FANCI: variants seen among roughly 807,000 people sequenced by gnomAD.
FANCI encodes FA complementation group I.
FANCI carries 156 observed loss-of-function variants against 176.1 expected under a neutral mutation model. The ratio of observed to expected loss-of-function variants is 0.89; its 90% CI spans 0.78 to 1.01. The LOEUF (loss-of-function observed/expected upper bound fraction) is 1.01, where lower values mean the gene tolerates loss of function less well. FANCI is among the 50% of genes least tolerant of loss of function. The probability of loss-of-function intolerance (pLI) is 0.00; values close to 1 mark genes in which losing one functional copy is unlikely to be tolerated. For synonymous variants in FANCI, 613 were observed against 541.7 expected (o/e 1.13, Z -1.83); for missense variants, 1,678 against 1,534.1 (o/e 1.09, Z -1.57).
At chr15:89,297,633 T>TG (rs2054352741) in intron 24 of FANCI, among the ~76,000 whole-genome samples, 1 of 151,956 alleles carries the variant, frequency 6.6e-6, no homozygotes, top group South Asian at 2.1e-4. Flanking sequence ...TGGCGGCAAT[T>TG]GCAGGCACTC....
rs542876546 is a variant in FANCI at position 89,298,173 on chromosome 15, C to T, written c.2637-1627C>T. ...GTCACCCAGCTTGATTTAATTGACA[C>T]TTATAAGAACACTCCACAGCACCTT... is the stretch of plus-strand genomic sequence containing the variant. On this transcript the variant is annotated intron_variant, in intron 24 of 37. Coordinates refer to ENST00000310775, the MANE Select transcript of FANCI (RefSeq NM_001113378.2). Among the ~76,000 whole-genome samples the T allele has an allele frequency of 2.6e-5, 4 of 152,106 alleles. No individual in the cohort carries two copies. In the East Asian group the frequency reaches 7.7e-4, roughly 29 times the overall value.
At chr15:89,250,825 A>G (rs775519972) in intron 2 of FANCI, among the ~76,000 whole-genome samples, 2 of 151,680 alleles carry the variant, frequency 1.3e-5, no homozygotes, top group Non-Finnish European at 2.9e-5. Flanking sequence ...TTAAAAATCC[A>G]TGGAATAATG....
At chr15:89,291,167 T>G (rs974278616) in intron 19 of FANCI, among the ~76,000 whole-genome samples, 3 of 152,204 alleles carry the variant, frequency 2.0e-5, no homozygotes, top group Non-Finnish European at 4.4e-5. Flanking sequence ...AAATACTGTT[T>G]GAAGTACTTT....
chr15:89,276,850 G>A lies in FANCI; in HGVS notation c.1252G>A (p.Ala418Thr). The A allele has an allele frequency of 6.2e-7, 1 of 1,614,194 alleles. No homozygotes were observed. The highest frequency in any genetic ancestry group is 8.5e-7 in the Non-Finnish European group (1 of 1,180,034). Reference protein sequence around the residue: ...PSLSRMPNQHACKLGANILLE... With the variant: ...PSLSRMPNQHTCKLGANILLE... ...TCTTTCTAGAATGCCAAACCAGCAT[G>A]CATGTAAGCTCGGAGCTAATATCCT... The change falls in exon 13 of 38, where the codon GCA becomes ACA. Residue 418 changes from alanine to threonine, a missense_variant. Ala to Thr is a moderately conservative substitution (Grantham distance 58). Transcript: ENST00000310775.
chr15:89,263,519 A>C, intron 7 of FANCI, 59 bp downstream of exon 7: 1 of 1,377,034 alleles, frequency 7.3e-7, no homozygotes, highest in East Asian at 2.3e-5. Context: ...TACTTGCTAG[A>C]AATTAAACTA....
chr15:89,276,969 T>C, intron 13 of FANCI, 78 bp downstream of exon 13: 3 of 1,480,010 alleles, frequency 2.0e-6, no homozygotes, highest in Non-Finnish European at 2.8e-6. Flanking sequence ...CCTGGGAGTT[T>C]GGTGGACAAG....
At chr15:89,285,003 T>C (rs760450442) in intron 17 of FANCI, 93 bp from the exon 18 acceptor site, 1 of 1,550,976 alleles carries the variant, frequency 6.4e-7, no homozygotes, top group South Asian at 1.1e-5. Context: ...TGGAGGAAGC[T>C]AAGTTTTTTC....
intron 27 of FANCI, among the ~76,000 whole-genome samples, chr15:89,302,169 C>A (rs537372082): frequency 6.6e-6 from 1 of 152,120 alleles, no homozygotes; most frequent in African/African-American, 2.4e-5. Flanking sequence ...TGAAGCCCTG[C>A]GGTATACTCC....
chr15:89,302,026 G>T (rs1429573037), intron 27 of FANCI, among the ~76,000 whole-genome samples: 1 of 152,224 alleles, frequency 6.6e-6, no homozygotes, highest in African/African-American at 2.4e-5. Flanking sequence ...ACACACAGAA[G>T]AATAAGAGAA....
At chr15:89,284,445 G>A (rs1222094570) in intron 17 of FANCI, among the ~76,000 whole-genome samples, 1 of 152,114 alleles carries the variant, frequency 6.6e-6, no homozygotes, top group African/African-American at 2.4e-5. Context: ...AGGAACACTA[G>A]ATATCATTTG....
At chr15:89,303,552 A>C (rs771400814) in intron 27 of FANCI, among the ~76,000 whole-genome samples, 2 of 152,130 alleles carry the variant, frequency 1.3e-5, no homozygotes, top group Admixed American at 1.3e-4. Context: ...GGGGCATGGG[A>C]AAGAAAAGAG....
chr15:89,308,098 T>C (rs2054797858), intron 34 of FANCI: 2 of 1,120,442 alleles, frequency 1.8e-6, no homozygotes, highest in African/African-American at 1.6e-5. Context: ...GCTTTGTAAG[T>C]GTCATTTGGT....
intron 24 of FANCI, among the ~76,000 whole-genome samples, chr15:89,297,209 G>A (rs2054327761): frequency 6.6e-6 from 1 of 151,768 alleles, no homozygotes; most frequent in Admixed American, 6.6e-5. Flanking sequence ...GGGCGGCGGG[G>A]CAGAGGCGCT....
chr15:89,305,765 T>C, intron 31 of FANCI, 67 bp downstream of exon 31: 3 of 1,493,176 alleles, frequency 2.0e-6, no homozygotes, highest in Non-Finnish European at 2.8e-6. Context: ...ATTGGGTCGG[T>C]GCATAAAAAT....
At chr15:89,309,235 G>A (rs994796497) in intron 34 of FANCI, among the ~76,000 whole-genome samples, 1 of 152,118 alleles carries the variant, frequency 6.6e-6, no homozygotes, top group Non-Finnish European at 1.5e-5. Context: ...GGTGCCATTC[G>A]TCAAACAAAT....
chr15:89,312,318 G>T (rs1418642892), intron 34 of FANCI, among the ~76,000 whole-genome samples: 3 of 152,114 alleles, frequency 2.0e-5, no homozygotes, highest in Non-Finnish European at 4.4e-5. Context: ...CCCCTTGGCT[G>T]ACCCACTGCA....
chr15:89,307,681 T>C lies in FANCI; in HGVS notation c.3651+9T>C. The C allele has an allele frequency of 6.2e-7, 1 of 1,614,154 alleles. No individual in the cohort carries two copies. Among genetic ancestry groups the C allele is most frequent in the Non-Finnish European group, 8.5e-7 (1 of 1,180,032 alleles). ...TCATTTCTTACGTACAGGTAAGAGATTCAGAGGCAGTACCCAATAGGTCTT... is the reference window on the plus strand; with the variant it reads ...TCATTTCTTACGTACAGGTAAGAGACTCAGAGGCAGTACCCAATAGGTCTT... On this transcript the variant is annotated intron_variant, in intron 34 of 37. Coordinates refer to ENST00000310775, the MANE Select transcript of FANCI (RefSeq NM_001113378.2).
At chr15:89,261,974 CT>C in intron 6 of FANCI, 96 bp downstream of exon 6, 1 of 1,097,990 alleles carries the variant, frequency 9.1e-7, no homozygotes, top group Non-Finnish European at 1.4e-6. Flanking sequence ...GTTTTAAGTC[CT>C]TCTTTTTTGT....
chr15:89,309,056 G>C (rs2054847887), intron 34 of FANCI, among the ~76,000 whole-genome samples: 1 of 151,964 alleles, frequency 6.6e-6, no homozygotes, highest in Non-Finnish European at 1.5e-5. Context: ...CCTTGCCTTT[G>C]TATCAGTTTT....
Sources: allele counts gnomAD v4.1 joint callset (sites outside exome capture counted in the v4.1 genomes callset), GRCh38; gene constraint gnomAD v4.1.1; transcripts MANE v1.5; gene names NCBI Gene and HGNC (gene_info 2026-07-23, HGNC 2026-07-21).